Variants in HYDIN observed in about 807,000 individuals in gnomAD.
The protein encoded by HYDIN is HYDIN axonemal central pair apparatus protein, also known as axonemal central pair apparatus protein HYDIN.
A neutral mutation model predicts 403.9 loss-of-function variants in HYDIN; 132 were observed. The observed-to-expected ratio is 0.33, with a 90% CI of 0.28 to 0.38. The LOEUF is 0.38. HYDIN is among the 10% of genes least tolerant of loss of function. The pLI, the probability that HYDIN is intolerant of heterozygous loss-of-function variation, is 1.00. For missense variants in HYDIN, 2,827 were observed against 5,009.5 expected (o/e 0.56, Z 13.15); for synonymous variants, 1,202 against 1,891.7 (o/e 0.64, Z 9.46).
At chr16:71,092,217 A>G (rs113879240) in intron 11 of HYDIN, among the ~76,000 whole-genome samples, 4 of 152,286 alleles carry the variant, frequency 2.6e-5, no homozygotes, top group South Asian at 2.1e-4. Flanking sequence ...CAGCTAATGG[A>G]ATATGAATGT....
chr16:70,945,142 T>C (rs897357982), intron 41 of HYDIN, among the ~76,000 whole-genome samples: 3 of 152,196 alleles, frequency 2.0e-5, no homozygotes, highest in Non-Finnish European at 2.9e-5. Context: ...GGGCAGGAGA[T>C]GATGGCAACA....
chr16:70,985,433 A>G, intron 27 of HYDIN, 111 bp from the exon 28 acceptor site: 3 of 1,145,276 alleles, frequency 2.6e-6, no homozygotes, highest in East Asian at 2.5e-5. Context: ...TGATATAAAT[A>G]CTGGTCAATC....
chr16:71,215,260 G>C (rs1048162845), intron 1 of HYDIN, among the ~76,000 whole-genome samples: 1 of 151,998 alleles, frequency 6.6e-6, no homozygotes, highest in Non-Finnish European at 1.5e-5. Flanking sequence ...GAGGAAGAAA[G>C]GGAGGAAGGA....
At chr16:70,809,008 G>A (rs998686461) in intron 85 of HYDIN, among the ~76,000 whole-genome samples, 1 of 152,182 alleles carries the variant, frequency 6.6e-6, no homozygotes, top group Non-Finnish European at 1.5e-5. Context: ...AACTGCTTAT[G>A]CCCAGACTGT....
At chr16:70,872,624 A>C in intron 64 of HYDIN, among the ~76,000 whole-genome samples, 1 of 114,368 alleles carries the variant, frequency 8.7e-6, no homozygotes, top group African/African-American at 3.5e-5. Context: ...CCACCCACCC[A>C]TCATCCATCC....
At chr16:71,178,514 C>G (rs1157774054) in intron 4 of HYDIN, among the ~76,000 whole-genome samples, 1 of 149,146 alleles carries the variant, frequency 6.7e-6, no homozygotes, top group East Asian at 1.9e-4. Flanking sequence ...TATATATGCT[C>G]AACAATTGCA....
intron 1 of HYDIN, among the ~76,000 whole-genome samples, chr16:71,187,174 T>C (rs1597981839): frequency 6.6e-6 from 1 of 152,152 alleles, no homozygotes; most frequent in East Asian, 1.9e-4. Context: ...GAAGTACAAG[T>C]TACTTCTACA....
At chr16:70,913,429 A>T (rs560238054) in intron 47 of HYDIN, among the ~76,000 whole-genome samples, 1 of 151,562 alleles carries the variant, frequency 6.6e-6, no homozygotes, top group African/African-American at 2.4e-5. Context: ...ATGTATTTGC[A>T]TGGCTTTGAA....
chr16:71,198,596 C>T (rs1439410156), intron 1 of HYDIN, among the ~76,000 whole-genome samples: 1 of 152,150 alleles, frequency 6.6e-6, no homozygotes, highest in African/African-American at 2.4e-5. Flanking sequence ...TGCTTTAGCC[C>T]AGTGAGTCAT....
intron 11 of HYDIN, among the ~76,000 whole-genome samples, chr16:71,093,265 A>G (rs2083170459): frequency 3.3e-5 from 5 of 152,252 alleles, no homozygotes; most frequent in Admixed American, 3.3e-4. Flanking sequence ...CTGATCCTGA[A>G]TAACTCATGC....
intron 28 of HYDIN, among the ~76,000 whole-genome samples, chr16:70,981,979 T>A (rs2079058483): frequency 6.6e-6 from 1 of 151,404 alleles, no homozygotes; most frequent in Non-Finnish European, 1.5e-5. Context: ...ATACAAAAAA[T>A]TAGCCAGGCA....
intron 41 of HYDIN, among the ~76,000 whole-genome samples, chr16:70,944,190 C>A (rs1386847031): frequency 2.0e-5 from 3 of 152,228 alleles, no homozygotes; most frequent in Non-Finnish European, 4.4e-5. Context: ...GCTTTTCATT[C>A]ATTCGATAAT....
intron 15 of HYDIN, among the ~76,000 whole-genome samples, chr16:71,065,412 G>A (rs2082231396): frequency 6.6e-6 from 1 of 151,888 alleles, no homozygotes; most frequent in Non-Finnish European, 1.5e-5. Context: ...GGGGGGAGAG[G>A]GAGGGAGGGT....
rs201494207 is a variant in HYDIN at position 70,882,884 on chromosome 16, C to T, written c.9991G>A (p.Glu3331Lys). The change falls in exon 60 of 86, where the codon GAA becomes AAA. Residue 3331 changes from glutamate (E) to lysine (K), a missense_variant. By Grantham distance (56) the Glu-to-Lys change is moderately conservative. Transcript: ENST00000393567. ...AEACLPAFVT[E>K]NNALIFEEHQ... ...TCTTCAAATATCAAGGCATTGTTTT[C>T]GGTCACGAAGGCTGGGGAGTGAAGG... The T allele has an allele frequency of 2.0e-5, 32 of 1,583,346 alleles. No homozygotes were observed. The highest frequency in any genetic ancestry group is 3.3e-5 in the South Asian group (3 of 90,240).
intron 23 of HYDIN, among the ~76,000 whole-genome samples, chr16:70,999,948 C>T (rs1014555675): frequency 7.2e-5 from 11 of 152,062 alleles, no homozygotes; most frequent in African/African-American, 2.7e-4. Flanking sequence ...AGAAGGTGTC[C>T]CCACTGCTAC....
chr16:71,229,790 A>G (rs889259451), intron 1 of HYDIN, among the ~76,000 whole-genome samples: 1 of 152,220 alleles, frequency 6.6e-6, no homozygotes, highest in African/African-American at 2.4e-5. Context: ...TTCTGAGCTA[A>G]TGGAATCATT....
chr16:71,087,484 G>T (rs1402600554), intron 12 of HYDIN, among the ~76,000 whole-genome samples: 1 of 137,536 alleles, frequency 7.3e-6, no homozygotes, highest in Non-Finnish European at 1.6e-5. Context: ...CTCTTTAAAG[G>T]CCCTATGTCC....
chr16:70,954,467 AAAAAG>A (rs1248281756), intron 40 of HYDIN, among the ~76,000 whole-genome samples: 3 of 151,240 alleles, frequency 2.0e-5, no homozygotes, highest in Admixed American at 6.6e-5. Context: ...AAAAAAAAAA[AAAAAG>A]AAAGAAAGAA....
intron 10 of HYDIN, among the ~76,000 whole-genome samples, chr16:71,108,528 C>T (rs1232090842): frequency 2.0e-5 from 3 of 151,772 alleles, no homozygotes. Flanking sequence ...TATAATGTAC[C>T]GGTATGTGTA....
Sources: gnomAD v4.1 joint callset for allele counts (sites outside exome capture counted in the v4.1 genomes callset) on GRCh38, gnomAD v4.1.1 for gene constraint, MANE v1.5 for transcripts, NCBI Gene and HGNC (gene_info 2026-07-23, HGNC 2026-07-21) for gene names.